Variants in PIRT observed in about 807,000 individuals in gnomAD.
PIRT encodes phosphoinositide interacting regulator of transient receptor potential channels, also known as phosphoinositide-interacting protein.
Under a neutral mutation model 7.9 loss-of-function variants are expected in PIRT, and 6 were observed. The observed-to-expected ratio is 0.76, with a 90% CI of 0.42 to 1.51. PIRT has a LOEUF of 1.51. Ranked by LOEUF, PIRT falls within the 40% of genes most tolerant of loss-of-function variation. The probability of loss-of-function intolerance (pLI) is 0.01; values close to 1 mark genes in which losing one functional copy is unlikely to be tolerated. For missense variants in PIRT, 170 were observed against 172.9 expected, an observed-to-expected ratio of 0.98 and a Z score of 0.09; for synonymous variants, 78 against 71.8, an observed-to-expected ratio of 1.09 and a Z score of -0.44.
chr17:10,827,941 C>T (rs1286811312), intron 1 of PIRT, among the ~76,000 whole-genome samples: 1 of 152,184 alleles, frequency 6.6e-6, no homozygotes. Flanking sequence ...CACAAAGTTA[C>T]TGCCCTGATT....
At chr17:10,835,926 G>A (rs565387564) in intron 1 of PIRT, among the ~76,000 whole-genome samples, 9 of 147,220 alleles carry the variant, frequency 6.1e-5, no homozygotes, top group Non-Finnish European at 1.2e-4. Flanking sequence ...TTTTTGAGAT[G>A]GAGTTTCGCT....
At position 10,837,265 on chromosome 17, in the gene PIRT, C is replaced by A. The variant is rs181563468; in HGVS notation, c.-139+680G>T. Among the ~76,000 whole-genome samples the A allele has an allele frequency of 5.3e-5, 8 of 152,348 alleles. No individual in the cohort carries two copies. The East Asian group carries it at 1.5e-3, about 29-fold the overall frequency. On this transcript the variant is annotated intron_variant, in intron 1 of 1. Coordinates refer to ENST00000580256, the MANE Select transcript of PIRT (RefSeq NM_001101387.2). ...GCTCGGGCGATTGCGTGTGTGACCA[C>A]GGCTGGCTTTACCCGGATGCAGGGT...
At chr17:10,826,609 T>C (rs1436410922) in intron 1 of PIRT, among the ~76,000 whole-genome samples, 1 of 152,212 alleles carries the variant, frequency 6.6e-6, no homozygotes, top group Non-Finnish European at 1.5e-5. Context: ...TAGGCATTAG[T>C]CCTGTTTTAC....
chr17:10,825,571 G>C lies in PIRT; in HGVS notation c.75C>G (p.Ser25Arg), dbSNP rs1350765648. Residue 25 changes from serine to arginine, a missense_variant, in exon 2 of 2, where the codon AGC (serine) becomes AGG (arginine). Physicochemically the swap from Ser to Arg is moderately radical, Grantham distance 110 (BLOSUM62 -1). Transcript: ENST00000580256. ...KSPEAKDLLP[S>R]QTASSLCISS... ...TGATGCACAGGGAGCTGGCGGTCTG[G>C]CTGGGCAGCAGGTCCTTGGCTTCTG... 6.3e-7 allele frequency: 1 copy of C among 1,588,224 alleles called. No homozygotes were observed. Among genetic ancestry groups the C allele is most frequent in the Non-Finnish European group, 8.6e-7 (1 of 1,166,794 alleles).
chr17:10,824,115 AC>A lies in PIRT; in HGVS notation c.*1116del. 6.6e-6 allele frequency: 1 copy of A among 152,336 alleles called. No homozygotes were observed. The highest frequency in any genetic ancestry group is 2.1e-4 in the South Asian group (1 of 4,822). 9.4% of individuals were successfully genotyped at this position (152,336 alleles called of 1,614,324 possible). On this transcript the variant is annotated 3_prime_UTR_variant, in exon 2 of 2. Transcript: ENST00000580256. ...AGACACCGCCTGTGTTCCCACACCCACCCACATTTCGCCAGTTGGCTTGGCT... is the reference window on the plus strand; with the variant it reads ...AGACACCGCCTGTGTTCCCACACCCACCACATTTCGCCAGTTGGCTTGGCT...
intron 1 of PIRT, among the ~76,000 whole-genome samples, chr17:10,836,479 G>C (rs1905596241): frequency 6.6e-6 from 1 of 152,176 alleles, no homozygotes. Context: ...ATGTAAGAAT[G>C]TTCCAGTATT....
At chr17:10,831,116 C>A (rs1030616188) in intron 1 of PIRT, among the ~76,000 whole-genome samples, 3 of 152,232 alleles carry the variant, frequency 2.0e-5, no homozygotes, top group Non-Finnish European at 4.4e-5. Flanking sequence ...ACCTGGCTCA[C>A]AGCCTGGCAC....
At chr17:10,830,191 A>G (rs971052508) in intron 1 of PIRT, among the ~76,000 whole-genome samples, 14 of 152,308 alleles carry the variant, frequency 9.2e-5, no homozygotes, top group African/African-American at 3.1e-4. Flanking sequence ...TCTCCCTCCC[A>G]CGCTACTCTC....
chr17:10,830,904 T>G (rs193202229), intron 1 of PIRT, among the ~76,000 whole-genome samples: 1 of 152,176 alleles, frequency 6.6e-6, no homozygotes, highest in African/African-American at 2.4e-5. Context: ...ACATTCCTGG[T>G]CTCTACCCAC....
In PIRT at chr17:10,825,538, C is replaced by G; in HGVS notation, c.108G>C (p.Arg36Ser). The G allele has an allele frequency of 6.2e-7, 1 of 1,611,026 alleles. No homozygotes were observed. ...GGGTGGTGGTCCAGACAGACTCGCT[C>G]CTGGAGCTGATGCACAGGGAGCTGG... ...QTASSLCISS[R>S]SESVWTTTPR... The change falls in exon 2 of 2, where the codon AGG (arginine) becomes AGC (serine). Residue 36 changes from arginine to serine, a missense_variant. Transcript: ENST00000580256.
At chr17:10,830,460 T>C (rs1290075072) in intron 1 of PIRT, among the ~76,000 whole-genome samples, 3 of 152,190 alleles carry the variant, frequency 2.0e-5, no homozygotes, top group Non-Finnish European at 4.4e-5. Context: ...CCCTGAGCCT[T>C]ACGAGCCCCA....
Position 10,825,571 on chromosome 17 carries a change from G to T in PIRT, c.75C>A (p.Ser25Arg). Residue 25 changes from serine (S) to arginine (R), a missense_variant, in exon 2 of 2, where the codon AGC becomes AGA. Coordinates refer to ENST00000580256, the MANE Select transcript of PIRT (RefSeq NM_001101387.2). ...KSPEAKDLLPSQTASSLCISS... is the reference protein window; with the variant it reads ...KSPEAKDLLPRQTASSLCISS... ...TGATGCACAGGGAGCTGGCGGTCTG[G>T]CTGGGCAGCAGGTCCTTGGCTTCTG... 2.5e-6 allele frequency: 4 copies of T among 1,588,224 alleles called. No individual in the cohort carries two copies. The South Asian group carries it at 3.4e-5, about 14-fold the overall frequency.
chr17:10,835,873 A>C (rs909808643), intron 1 of PIRT, among the ~76,000 whole-genome samples: 2 of 149,808 alleles, frequency 1.3e-5, no homozygotes, highest in Non-Finnish European at 3.0e-5. Context: ...CTAGGAGCAC[A>C]GGCTCAGAGC....
intron 1 of PIRT, among the ~76,000 whole-genome samples, chr17:10,828,692 A>G (rs1905390717): frequency 6.6e-6 from 1 of 152,184 alleles, no homozygotes; most frequent in South Asian, 2.1e-4. Context: ...TTCTCCTTCA[A>G]TCCTTCCGAC....
At chr17:10,837,530 G>C (rs746822479) in intron 1 of PIRT, among the ~76,000 whole-genome samples, 14 of 152,176 alleles carry the variant, frequency 9.2e-5, no homozygotes, top group Non-Finnish European at 1.5e-4. Flanking sequence ...ATGTACTCTG[G>C]GGTCTGGGGG....
intron 1 of PIRT, among the ~76,000 whole-genome samples, chr17:10,831,631 C>T (rs1431223706): frequency 1.3e-5 from 2 of 152,206 alleles, no homozygotes; most frequent in African/African-American, 4.8e-5. Context: ...TAATTTTAGA[C>T]TTCTGGCCTC....
At position 10,822,923 on chromosome 17, in the gene PIRT, C is replaced by T. The variant is rs1905237613; in HGVS notation, c.*2309G>A. The T allele has an allele frequency of 6.6e-6, 1 of 152,164 alleles. No individual in the cohort carries two copies. Among genetic ancestry groups the T allele is most frequent in the Admixed American group, 6.5e-5 (1 of 15,286 alleles). The allele number at this position is 152,164 out of a possible 1,614,324, so 9.4% of individuals were successfully genotyped here. On this transcript the variant is annotated 3_prime_UTR_variant, in exon 2 of 2. Coordinates refer to ENST00000580256, the MANE Select transcript of PIRT (RefSeq NM_001101387.2). ...CTGCAAAGTGAGTCCAGAACCTGGA[C>T]TTCTAGAGTTGTGGTTATCCCTAAA...
chr17:10,835,980 G>A (rs1905580438), intron 1 of PIRT, among the ~76,000 whole-genome samples: 1 of 149,912 alleles, frequency 6.7e-6, no homozygotes, highest in African/African-American at 2.5e-5. Context: ...TTAGCTCACT[G>A]CAACCTCCAC....
chr17:10,832,229 G>A (rs550991747), intron 1 of PIRT, among the ~76,000 whole-genome samples: 1 of 151,584 alleles, frequency 6.6e-6, no homozygotes, highest in South Asian at 2.1e-4. Flanking sequence ...TTTTGCTCTT[G>A]TTGCCCAGGC....
Sources: allele counts gnomAD v4.1 joint callset (sites outside exome capture counted in the v4.1 genomes callset), GRCh38; gene constraint gnomAD v4.1.1; transcripts MANE v1.5; gene names NCBI Gene and HGNC (gene_info 2026-07-23, HGNC 2026-07-21).